NALF1: variants seen among roughly 807,000 people sequenced by gnomAD.
NALF1 encodes NALCN channel auxiliary factor 1.
Under a neutral mutation model 48.4 loss-of-function variants are expected in NALF1, and 3 were observed. That is an observed-to-expected ratio of 0.06 (90% CI 0.03 to 0.16). The LOEUF is 0.16. Among genes scored for constraint, NALF1 ranks in the 10% least tolerant of loss-of-function variants. The pLI is 1.00. For synonymous variants in NALF1, 262 were observed against 245.7 expected, an observed-to-expected ratio of 1.07 and a Z score of -0.62; for missense variants, 526 against 571.5, an observed-to-expected ratio of 0.92 and a Z score of 0.81.
intron 1 of NALF1, among the ~76,000 whole-genome samples, chr13:107,747,594 C>T (rs965532969): frequency 6.6e-6 from 1 of 152,078 alleles, no homozygotes; most frequent in Non-Finnish European, 1.5e-5. Flanking sequence ...GTCTTGGGAA[C>T]TAGTGGAGAA....
At chr13:107,687,338 G>C (rs2138501328) in intron 1 of NALF1, among the ~76,000 whole-genome samples, 1 of 152,062 alleles carries the variant, frequency 6.6e-6, no homozygotes, top group African/African-American at 2.4e-5. Context: ...GGGAAGGGCT[G>C]CAAATCTACT....
chr13:107,518,813 C>T (rs534307168), intron 1 of NALF1, among the ~76,000 whole-genome samples: 1 of 152,214 alleles, frequency 6.6e-6, no homozygotes, highest in Non-Finnish European at 1.5e-5. Flanking sequence ...TTGAGAACAT[C>T]ATGGTCATAT....
At chr13:107,848,410 G>C (rs557710477) in intron 1 of NALF1, among the ~76,000 whole-genome samples, 1 of 152,286 alleles carries the variant, frequency 6.6e-6, no homozygotes, top group Non-Finnish European at 1.5e-5. Flanking sequence ...AAGAGGAATA[G>C]TTTACTATGG....
intron 1 of NALF1, among the ~76,000 whole-genome samples, chr13:107,554,169 G>A (rs1877384003): frequency 1.3e-5 from 2 of 152,152 alleles, no homozygotes; most frequent in Non-Finnish European, 2.9e-5. Flanking sequence ...TCTGAGCTGA[G>A]CCCGGAGCCG....
chr13:107,756,615 T>C (rs943224792), intron 1 of NALF1, among the ~76,000 whole-genome samples: 10 of 152,070 alleles, frequency 6.6e-5, no homozygotes, highest in African/African-American at 1.9e-4. Context: ...TAAACACGCA[T>C]GCTAAATACC....
At chr13:107,522,401 G>T (rs2073168237) in intron 1 of NALF1, among the ~76,000 whole-genome samples, 1 of 151,490 alleles carries the variant, frequency 6.6e-6, no homozygotes. Flanking sequence ...ATCTTTTTGT[G>T]CATCCTTTAA....
At position 107,696,789 on chromosome 13, in the gene NALF1, T is replaced by C. The variant is rs1011391834; in HGVS notation, c.915+168893A>G. Among the ~76,000 whole-genome samples, 7 of 152,292 alleles carry C rather than the reference T, an allele frequency of 4.6e-5. No homozygotes were observed. The East Asian group carries it at 9.6e-4, about 21-fold the overall frequency. On this transcript the variant is annotated intron_variant, in intron 1 of 2. Coordinates refer to ENST00000375915, the MANE Select transcript of NALF1 (RefSeq NM_001080396.3). ...GTTTCAATTTGGAAACATTTGCATA[T>C]CTTGCATGATTTTTGCTTTTCTAAT...
In NALF1 at chr13:107,263,485, C is replaced by G. The variant is rs185184211; in HGVS notation, c.916-52730G>C. Among the ~76,000 whole-genome samples, 325 of 152,214 alleles carry G rather than the reference C, an allele frequency of 2.1e-3. 2 individuals are homozygous for G. Among genetic ancestry groups the G allele is most frequent in the African/African-American group, 7.3e-3 (302 of 41,546 alleles). On this transcript the variant is annotated intron_variant, in intron 1 of 2. Coordinates refer to ENST00000375915, the MANE Select transcript of NALF1 (RefSeq NM_001080396.3). ...ACCGAAATCTCATCTTGAATTGTAG[C>G]TCCCCTAATTCCCACATGTTGTGGA... is the stretch of plus-strand genomic sequence containing the variant.
intron 1 of NALF1, among the ~76,000 whole-genome samples, chr13:107,731,606 A>C (rs897880810): frequency 6.6e-6 from 1 of 152,056 alleles, no homozygotes; most frequent in East Asian, 1.9e-4. Flanking sequence ...CTATGTGTCC[A>C]TGTGTTCTCA....
intron 1 of NALF1, among the ~76,000 whole-genome samples, chr13:107,638,559 C>T (rs750807722): frequency 9.9e-5 from 15 of 151,998 alleles, no homozygotes; most frequent in Non-Finnish European, 1.8e-4. Context: ...GGATAAGGGA[C>T]AATCACAAAG....
intron 1 of NALF1, among the ~76,000 whole-genome samples, chr13:107,446,434 CAT>C (rs1491162708): frequency 5.4e-4 from 81 of 150,100 alleles, no homozygotes; most frequent in South Asian, 1.9e-3. Flanking sequence ...CACACACACA[CAT>C]ATTTTTACTA....
chr13:107,218,896 G>A (rs1594075659), intron 1 of NALF1, among the ~76,000 whole-genome samples: 1 of 152,306 alleles, frequency 6.6e-6, no homozygotes, highest in East Asian at 1.9e-4. Context: ...GGCAAAAAGT[G>A]TTGAGCAGAG....
At chr13:107,411,034 A>G (rs1883980857) in intron 1 of NALF1, among the ~76,000 whole-genome samples, 1 of 152,116 alleles carries the variant, frequency 6.6e-6, no homozygotes, top group Non-Finnish European at 1.5e-5. Flanking sequence ...TGGTCATCCA[A>G]TTTGTTTAGG....
intron 1 of NALF1, among the ~76,000 whole-genome samples, chr13:107,634,422 AT>A (rs920839030): frequency 5.1e-4 from 77 of 152,318 alleles, no homozygotes; most frequent in African/African-American, 1.8e-3. Flanking sequence ...TTATTAAAAA[AT>A]AAAAGGCAAA....
chr13:107,383,626 G>T (rs1182165804), intron 1 of NALF1, among the ~76,000 whole-genome samples: 1 of 152,078 alleles, frequency 6.6e-6, no homozygotes, highest in Non-Finnish European at 1.5e-5. Context: ...GGAAGTAATT[G>T]ATGTTTATAC....
chr13:107,636,126 A>G (rs1208080709), intron 1 of NALF1, among the ~76,000 whole-genome samples: 1 of 152,052 alleles, frequency 6.6e-6, no homozygotes, highest in African/African-American at 2.4e-5. Flanking sequence ...TGCCCTCATC[A>G]GTGCACTTGG....
chr13:107,460,036 C>G (rs1231130682), intron 1 of NALF1, among the ~76,000 whole-genome samples: 2 of 152,344 alleles, frequency 1.3e-5, no homozygotes, highest in Non-Finnish European at 2.9e-5. Flanking sequence ...GCCACCTCGC[C>G]TGGCCCTTCT....
chr13:107,774,383 A>G (rs558170954), intron 1 of NALF1, among the ~76,000 whole-genome samples: 1 of 152,338 alleles, frequency 6.6e-6, no homozygotes, highest in South Asian at 2.1e-4. Context: ...ATCAATTTGA[A>G]TATGATTTTG....
In NALF1 at chr13:107,866,749, C is replaced by G. The variant is rs1174630814; in HGVS notation, c.-153G>C. On this transcript the variant is annotated 5_prime_UTR_variant, in exon 1 of 3. Coordinates refer to ENST00000375915, the MANE Select transcript of NALF1 (RefSeq NM_001080396.3). This position sits in a 1 kb window ranked among gnomAD's most constrained non-coding sequence, Gnocchi z 4.4. Reference sequence around the variant, plus strand: ...TCTCTTTCTCTCTCTTCCCCTCTCCCTCTCTCCTCTCTCTCTCTCTCCCTC... The same window carrying G: ...TCTCTTTCTCTCTCTTCCCCTCTCCGTCTCTCCTCTCTCTCTCTCTCCCTC... 4.9e-6 allele frequency: 3 copies of G among 615,822 alleles called. No homozygotes were observed. Among genetic ancestry groups the G allele is most frequent in the Non-Finnish European group, 5.7e-6 (2 of 352,420 alleles). The allele number at this position is 615,822 out of a possible 1,614,324, so 38.1% of individuals were successfully genotyped here.
Sources: allele counts gnomAD v4.1 joint callset (sites outside exome capture counted in the v4.1 genomes callset), GRCh38; gene constraint gnomAD v4.1.1; non-coding constraint Gnocchi (gnomAD v3.1); transcripts MANE v1.5; gene names NCBI Gene and HGNC (gene_info 2026-07-23, HGNC 2026-07-21).